The following MAP3K15 variants were observed in gnomAD, a reference collection of about 807,000 sequenced individuals.
MAP3K15 encodes mitogen-activated protein kinase kinase kinase 15, also known as MAPK/ERK kinase kinase 15.
In MAP3K15, 124 loss-of-function variants were observed where a neutral mutation model predicts 99.5. The observed-to-expected ratio is 1.25, with a 90% CI of 1.08 to 1.45. The LOEUF (loss-of-function observed/expected upper bound fraction) is 1.45. MAP3K15 is among the 40% of genes most tolerant of loss of function. The pLI is 0.00. For missense variants in MAP3K15, 1,242 were observed against 1,079.7 expected (o/e 1.15, Z -2.11); for synonymous variants, 494 against 439.6 (o/e 1.12, Z -1.55).
At chrX:19,431,409 A>C (rs1469156093) in intron 7 of MAP3K15, 29 bp downstream of exon 7, 66 of 1,188,173 alleles carry the variant, frequency 5.6e-5, no homozygotes, top group Non-Finnish European at 7.3e-5. Flanking sequence ...AAGAGATGCA[A>C]GTGCTCATAA....
intron 22 of MAP3K15, among the ~76,000 whole-genome samples, chrX:19,372,048 C>A (rs867309185): frequency 4.2e-4 from 45 of 107,046 alleles, no homozygotes; most frequent in African/African-American, 1.5e-3. Context: ...GCGGGAGAAT[C>A]ACTTGAACCT....
rs1195437407 is a variant in MAP3K15 at position 19,425,575 on chromosome X, G to A, written c.1395C>T (p.Ala465=). Residue 465 remains alanine (A), a synonymous_variant, in exon 9 of 29, where the codon GCC becomes GCT. Transcript: ENST00000338883. The part of the protein sequence containing the change: ...VSMLAHDVGK[A]VQAAERLFKL... Reference sequence around the variant, plus strand: ...TGAACAACCTCTCTGCTGCCTGGACGGCTTTCCCGACATCATGGGCCAGCA... The same window carrying A: ...TGAACAACCTCTCTGCTGCCTGGACAGCTTTCCCGACATCATGGGCCAGCA... 14 of 1,197,289 alleles carry A rather than the reference G, an allele frequency of 1.2e-5. No individual in the cohort carries two copies. Among genetic ancestry groups the A allele is most frequent in the Middle Eastern group, 2.3e-4 (1 of 4,369 alleles).
intron 3 of MAP3K15, among the ~76,000 whole-genome samples, chrX:19,472,765 G>A (rs2064216711): frequency 8.9e-6 from 1 of 112,166 alleles, no homozygotes; most frequent in South Asian, 3.7e-4. Flanking sequence ...TATTTGTAAA[G>A]AATTGTTATA....
chrX:19,445,984 A>ATAAAT (rs1421191701), intron 6 of MAP3K15, among the ~76,000 whole-genome samples: 55 of 110,993 alleles, frequency 5.0e-4, no homozygotes, highest in Non-Finnish European at 9.1e-4. Flanking sequence ...AAATAAATAA[A>ATAAAT]TATTAATCAG....
intron 1 of MAP3K15, among the ~76,000 whole-genome samples, chrX:19,496,010 C>T (rs1327256368): frequency 3.6e-5 from 4 of 109,702 alleles, no homozygotes; most frequent in Non-Finnish European, 7.6e-5. Context: ...CTTGCTGTCA[C>T]ACCCTTCACA....
intron 3 of MAP3K15, among the ~76,000 whole-genome samples, chrX:19,472,694 C>T (rs2064216241): frequency 8.9e-6 from 1 of 111,933 alleles, no homozygotes; most frequent in Admixed American, 9.5e-5. Flanking sequence ...ATACTTATTA[C>T]AATTAAATAA....
intron 5 of MAP3K15, among the ~76,000 whole-genome samples, chrX:19,458,694 T>A (rs1434266735): frequency 1.8e-5 from 2 of 111,236 alleles, no homozygotes; most frequent in Non-Finnish European, 3.8e-5. Flanking sequence ...AATAAATAAA[T>A]AAATAAAAAT....
chrX:19,415,937 G>A (rs939347036), intron 9 of MAP3K15, among the ~76,000 whole-genome samples: 3 of 111,667 alleles, frequency 2.7e-5, no homozygotes, highest in African/African-American at 9.8e-5. Flanking sequence ...TATCAAAACT[G>A]CATAAAATTA....
At chrX:19,410,260 C>A (rs752962590) in intron 11 of MAP3K15, among the ~76,000 whole-genome samples, 1 of 112,627 alleles carries the variant, frequency 8.9e-6, no homozygotes, top group Non-Finnish European at 1.9e-5. Flanking sequence ...AGTGGCTTTT[C>A]ATCTTCTGTC....
chrX:19,487,036 T>A (rs1196099260), intron 2 of MAP3K15, among the ~76,000 whole-genome samples: 1 of 105,369 alleles, frequency 9.5e-6, no homozygotes, highest in African/African-American at 3.5e-5. Context: ...CTAGGAATGT[T>A]CAAATTCAAT....
At chrX:19,462,017 ACACACACACACACACACACAC>A in intron 4 of MAP3K15, among the ~76,000 whole-genome samples, 1 of 105,776 alleles carries the variant, frequency 9.5e-6, no homozygotes, top group Non-Finnish European at 2.0e-5. Context: ...ACACACACAC[ACACACACACACACACACACAC>A]AAAACAAAGC....
chrX:19,477,298 C>T (rs1369552675), intron 3 of MAP3K15, among the ~76,000 whole-genome samples: 1 of 111,574 alleles, frequency 9.0e-6, no homozygotes, highest in Non-Finnish European at 1.9e-5. Context: ...TTGAAGAGAA[C>T]ACACAGGACC....
intron 5 of MAP3K15, among the ~76,000 whole-genome samples, chrX:19,459,388 T>G (rs1173879083): frequency 8.9e-6 from 1 of 112,523 alleles, no homozygotes; most frequent in Non-Finnish European, 1.9e-5. Context: ...GTAAAGTTCA[T>G]ATAAACTTAA....
intron 18 of MAP3K15, among the ~76,000 whole-genome samples, chrX:19,384,288 A>G (rs185666072): frequency 1.8e-5 from 2 of 110,860 alleles, no homozygotes; most frequent in East Asian, 5.7e-4. Flanking sequence ...AAAAATCAAA[A>G]CAATTGAACT....
chrX:19,490,765 A>T (rs772391792), intron 1 of MAP3K15, among the ~76,000 whole-genome samples: 6 of 110,090 alleles, frequency 5.5e-5, no homozygotes, highest in South Asian at 3.9e-4. Flanking sequence ...TAAAAAAAAA[A>T]AAAAAATAAA....
chrX:19,397,652 T>A (rs184134612), intron 15 of MAP3K15, among the ~76,000 whole-genome samples: 4,209 of 111,620 alleles, frequency 0.038, 72 homozygotes, highest in Middle Eastern at 0.083. Flanking sequence ...ACGCAAAAAA[T>A]GTAAAACTTT....
At chrX:19,361,247 G>C (rs1036409244) in intron 28 of MAP3K15, 92 bp downstream of exon 28, 7 of 746,957 alleles carry the variant, frequency 9.4e-6, no homozygotes, top group Non-Finnish European at 1.4e-5. Context: ...CCAGAGTTTG[G>C]GGGGAGGCCC....
At chrX:19,505,289 C>T (rs967431483) in intron 1 of MAP3K15, among the ~76,000 whole-genome samples, 2 of 110,965 alleles carry the variant, frequency 1.8e-5, no homozygotes, top group Admixed American at 1.9e-4. Flanking sequence ...TGACCCACAG[C>T]CTGACTCTTT....
intron 6 of MAP3K15, among the ~76,000 whole-genome samples, chrX:19,455,347 CTTTTTTT>C (rs776661644): frequency 1.9e-4 from 18 of 94,648 alleles, no homozygotes; most frequent in African/African-American, 3.2e-4. Context: ...TTTCTTTTTT[CTTTTTTT>C]TTTTTTTGAA....
Sources: allele counts gnomAD v4.1 joint callset (sites outside exome capture counted in the v4.1 genomes callset), GRCh38; gene constraint gnomAD v4.1.1; transcripts MANE v1.5; gene names NCBI Gene and HGNC (gene_info 2026-07-23, HGNC 2026-07-21).